SLC4A10: variants seen among roughly 807,000 people sequenced by gnomAD.
The protein encoded by SLC4A10 is sodium-driven chloride bicarbonate exchanger.
SLC4A10 carries 42 observed loss-of-function variants against 137.7 expected under a neutral mutation model. The observed-to-expected ratio is 0.30, with a 90% CI of 0.24 to 0.39. The LOEUF is 0.39. Among genes scored for constraint, SLC4A10 ranks in the 10% least tolerant of loss-of-function variants. The probability of loss-of-function intolerance (pLI) is 1.00; values close to 1 mark genes in which losing one functional copy is unlikely to be tolerated. For synonymous variants in SLC4A10, 474 were observed against 464.1 expected, an observed-to-expected ratio of 1.02 and a Z score of -0.27; for missense variants, 925 against 1,355.0, an observed-to-expected ratio of 0.68 and a Z score of 4.98.
At chr2:161,716,869 A>G (rs1016802810) in intron 1 of SLC4A10, among the ~76,000 whole-genome samples, 11 of 151,902 alleles carry the variant, frequency 7.2e-5, no homozygotes, top group Non-Finnish European at 1.3e-4. Context: ...TAATCATTGA[A>G]TCTATAAATT....
intron 15 of SLC4A10, among the ~76,000 whole-genome samples, chr2:161,941,580 C>G (rs1417320690): frequency 1.3e-5 from 2 of 152,082 alleles, no homozygotes; most frequent in Non-Finnish European, 2.9e-5. Flanking sequence ...TGAAGGGACT[C>G]AGCATACAGT....
chr2:161,793,265 T>C (rs2054402914), intron 2 of SLC4A10, among the ~76,000 whole-genome samples: 1 of 152,204 alleles, frequency 6.6e-6, no homozygotes, highest in Non-Finnish European at 1.5e-5. Context: ...AATTAACATA[T>C]GCCTTACCTC....
At chr2:161,862,194 T>A (rs1316511125) in intron 5 of SLC4A10, among the ~76,000 whole-genome samples, 2 of 152,204 alleles carry the variant, frequency 1.3e-5, no homozygotes, top group African/African-American at 4.8e-5. Context: ...AGTCTTTGTT[T>A]TGCAGGTATA....
intron 23 of SLC4A10, among the ~76,000 whole-genome samples, chr2:161,967,395 G>A (rs1330011180): frequency 6.6e-6 from 1 of 152,172 alleles, no homozygotes; most frequent in Non-Finnish European, 1.5e-5. Context: ...GAAAAGGAAT[G>A]AATAAATGAA....
intron 12 of SLC4A10, among the ~76,000 whole-genome samples, chr2:161,902,406 G>A (rs1683322436): frequency 6.6e-6 from 1 of 152,052 alleles, no homozygotes; most frequent in Admixed American, 6.6e-5. Context: ...AAATAGACTG[G>A]TAGAGTAAAT....
intron 1 of SLC4A10, among the ~76,000 whole-genome samples, chr2:161,639,774 C>T (rs529751598): frequency 6.6e-6 from 1 of 152,032 alleles, no homozygotes; most frequent in East Asian, 1.9e-4. Context: ...CTAGCCAGAG[C>T]AATTAGGCAA....
At chr2:161,660,593 TTTC>T (rs1178615350) in intron 1 of SLC4A10, among the ~76,000 whole-genome samples, 16 of 115,938 alleles carry the variant, frequency 1.4e-4, no homozygotes, top group Non-Finnish European at 3.5e-4. Context: ...TCTTTCTTTC[TTTC>T]TTTCTTTCTT....
chr2:161,865,924 T>A (rs1367547588), intron 6 of SLC4A10, among the ~76,000 whole-genome samples: 2 of 152,104 alleles, frequency 1.3e-5, no homozygotes, highest in East Asian at 1.9e-4. Flanking sequence ...TATTAATTTT[T>A]AAAAATCTCC....
At chr2:161,863,348 T>C in intron 6 of SLC4A10, among the ~76,000 whole-genome samples, 1 of 152,164 alleles carries the variant, frequency 6.6e-6, no homozygotes, top group Non-Finnish European at 1.5e-5. Flanking sequence ...AAACAGAGCA[T>C]CTGTGGCATA....
intron 1 of SLC4A10, 29 bp downstream of exon 1, chr2:161,624,595 T>A (rs983989121): frequency 6.4e-7 from 1 of 1,551,402 alleles, no homozygotes; most frequent in African/African-American, 1.4e-5. Flanking sequence ...TCACATAGAT[T>A]AACCGCGTTT....
intron 3 of SLC4A10, among the ~76,000 whole-genome samples, chr2:161,834,195 AT>A (rs1347425321): frequency 6.6e-6 from 1 of 152,212 alleles, no homozygotes. Flanking sequence ...TGTTGGCTTC[AT>A]TTGGTCCTAC....
chr2:161,756,525 T>G (rs2049668898), intron 1 of SLC4A10, among the ~76,000 whole-genome samples: 1 of 152,180 alleles, frequency 6.6e-6, no homozygotes, highest in Non-Finnish European at 1.5e-5. Context: ...AGGACCACGA[T>G]TATGGACTTC....
chr2:161,772,800 C>G (rs1298862356), intron 2 of SLC4A10, among the ~76,000 whole-genome samples: 1 of 151,896 alleles, frequency 6.6e-6, no homozygotes, highest in Non-Finnish European at 1.5e-5. Flanking sequence ...ACAGCCCATA[C>G]TAAATAAACA....
At chr2:161,872,217 G>C in intron 6 of SLC4A10, 76 bp from the exon 7 acceptor site, 2 of 1,009,494 alleles carry the variant, frequency 2.0e-6, no homozygotes. Context: ...TAGTTTAATT[G>C]AAGTGCCTAT....
intron 6 of SLC4A10, among the ~76,000 whole-genome samples, chr2:161,867,779 T>C (rs1463507563): frequency 6.6e-6 from 1 of 151,986 alleles, no homozygotes; most frequent in Non-Finnish European, 1.5e-5. Flanking sequence ...ATGTTTTCTA[T>C]TCCCATGAAT....
intron 21 of SLC4A10, among the ~76,000 whole-genome samples, chr2:161,958,962 C>T (rs1024399333): frequency 2.6e-5 from 4 of 152,168 alleles, no homozygotes; most frequent in Middle Eastern, 3.2e-3. Context: ...ATATTGGAAA[C>T]AACCCAATTC....
intron 2 of SLC4A10, among the ~76,000 whole-genome samples, chr2:161,774,445 A>G (rs552317145): frequency 6.6e-6 from 1 of 151,964 alleles, no homozygotes; most frequent in African/African-American, 2.4e-5. Flanking sequence ...TGTTACAGTG[A>G]ACCACCAATA....
At chr2:161,853,004 T>G (rs2059914494) in intron 4 of SLC4A10, among the ~76,000 whole-genome samples, 1 of 152,206 alleles carries the variant, frequency 6.6e-6, no homozygotes, top group African/African-American at 2.4e-5. Flanking sequence ...CATTAAAATG[T>G]CTGCCAAGAG....
In SLC4A10 at chr2:161,983,473, G is replaced by C. The variant is rs1461540257; in HGVS notation, c.*321G>C. On this transcript the variant is annotated 3_prime_UTR_variant, in exon 27 of 27. Transcript: ENST00000446997. The stretch of plus-strand genomic sequence containing the variant: ...AGAATCTGTGTGTTCCTTGCTGTAC[G>C]TTAGACATTTGTAAACTGGATTCTG... The C allele has an allele frequency of 8.7e-6, 4 of 459,074 alleles. No homozygotes were observed. The highest frequency in any genetic ancestry group is 1.5e-5 in the Non-Finnish European group (4 of 262,406). 28.4% of individuals were successfully genotyped at this position (459,074 alleles called of 1,614,324 possible).
Sources: allele counts gnomAD v4.1 joint callset (sites outside exome capture counted in the v4.1 genomes callset), GRCh38; gene constraint gnomAD v4.1.1; transcripts MANE v1.5; gene names NCBI Gene and HGNC (gene_info 2026-07-23, HGNC 2026-07-21).